The following RASSF4 variants were observed in gnomAD, a reference collection of about 807,000 sequenced individuals.
The protein encoded by RASSF4 is ras association domain-containing protein 4.
RASSF4 carries 38 observed loss-of-function variants against 41.1 expected under a neutral mutation model. That is an observed-to-expected ratio of 0.92 (90% CI 0.71 to 1.21). The LOEUF is 1.21. RASSF4 is among the 50% of genes most tolerant of loss of function. The pLI, the probability that RASSF4 is intolerant of heterozygous loss-of-function variation, is 0.00. For missense variants in RASSF4, 414 were observed against 419.4 expected (o/e 0.99, Z 0.11); for synonymous variants, 179 against 163.4 (o/e 1.10, Z -0.73).
In RASSF4 at chr10:44,968,423, A is replaced by G. The variant is rs73279399; in HGVS notation, c.-38-1742A>G. On this transcript the variant is annotated intron_variant, in intron 1 of 10. Transcript: ENST00000340258. Reference sequence around the variant, plus strand: ...GCTGCTGGGGGCCTGACATCTCTCCAGGCCCTGAGGTGCCTAACTCTGGAG... The same window carrying G: ...GCTGCTGGGGGCCTGACATCTCTCCGGGCCCTGAGGTGCCTAACTCTGGAG... 1.4e-3 allele frequency among the ~76,000 whole-genome samples: 215 copies of G among 152,264 alleles called. 1 individual carries two copies. Among genetic ancestry groups the G allele is most frequent in the African/African-American group, 4.7e-3 (196 of 41,540 alleles).
chr10:44,983,932 C>T (rs1032390845), intron 4 of RASSF4, 90 bp from the exon 5 acceptor site: 1 of 1,548,434 alleles, frequency 6.5e-7, no homozygotes, highest in Non-Finnish European at 8.7e-7. Context: ...CGCCTGTGTC[C>T]TACCCCAGGG....
At position 44,984,843 on chromosome 10, in the gene RASSF4, A is replaced by C. The variant is rs749050485; in HGVS notation, c.404A>C (p.Gln135Pro). The change falls in exon 6 of 11, where the codon CAG becomes CCG. Residue 135 changes from glutamine (Q) to proline (P), a missense_variant. Transcript: ENST00000340258. Reference sequence around the variant, plus strand: ...CTGGAGGAGGCAGAGGAGGCCCCCCAGCTGATGCGGACCAAGAGCGACGCC... The same window carrying C: ...CTGGAGGAGGCAGAGGAGGCCCCCCCGCTGATGCGGACCAAGAGCGACGCC... ...GPLEEAEEAPQLMRTKSDASC... is the reference protein window; with the variant it reads ...GPLEEAEEAPPLMRTKSDASC... 3 of 1,613,474 alleles carry C rather than the reference A, an allele frequency of 1.9e-6. No individual in the cohort carries two copies. The African/African-American group carries it at 4.0e-5, about 22-fold the overall frequency.
chr10:44,994,791 C>A lies in RASSF4; in HGVS notation c.*1462C>A, dbSNP rs910821263. ...TGACCCCCGGCTCTAACTTCTGAAACTCTTATCCTAAAGGATGTGTGGCCA... is the reference window on the plus strand; with the variant it reads ...TGACCCCCGGCTCTAACTTCTGAAAATCTTATCCTAAAGGATGTGTGGCCA... On this transcript the variant is annotated 3_prime_UTR_variant, in exon 11 of 11. Transcript: ENST00000340258. 1 of 148,636 alleles carries A rather than the reference C, an allele frequency of 6.7e-6. No individual in the cohort carries two copies. The highest frequency in any genetic ancestry group is 2.5e-5 in the African/African-American group (1 of 40,044). The allele number at this position is 148,636 out of a possible 1,614,324, so 9.2% of individuals were successfully genotyped here.
intron 1 of RASSF4, among the ~76,000 whole-genome samples, chr10:44,968,145 G>A (rs1306769044): frequency 2.6e-5 from 4 of 152,186 alleles, no homozygotes; most frequent in African/African-American, 9.7e-5. Flanking sequence ...TTCCTGTAAT[G>A]AGTTTGCTGA....
rs934535940 is a variant in RASSF4, at chr10:44,974,660, G to C, written c.138+2812G>C. On this transcript the variant is annotated intron_variant, in intron 3 of 10. Transcript: ENST00000340258. ...GTCACTGCCCCTCACCCGCAGCACC[G>C]GCAGCCTTAGCAGTACGGTTTGGGG... Among the ~76,000 whole-genome samples, 8 of 151,832 alleles carry C rather than the reference G, an allele frequency of 5.3e-5. No homozygotes were observed. The East Asian group carries it at 1.6e-3, about 30-fold the overall frequency.
At chr10:44,991,577 C>T (rs753706654) in intron 9 of RASSF4, among the ~76,000 whole-genome samples, 1 of 152,218 alleles carries the variant, frequency 6.6e-6, no homozygotes, top group Non-Finnish European at 1.5e-5. Context: ...CAATTGCATT[C>T]CATTGTTAGA....
intron 3 of RASSF4, 49 bp downstream of exon 3, chr10:44,971,897 C>T (rs1841186826): frequency 7.4e-7 from 1 of 1,345,584 alleles, no homozygotes; most frequent in Non-Finnish European, 1.0e-6. Flanking sequence ...CCTGGGAGGC[C>T]CTGCCTGATA....
chr10:44,984,888 G>C lies in RASSF4; in HGVS notation c.449G>C (p.Arg150Thr), dbSNP rs540078906. 1.4e-5 allele frequency: 23 copies of C among 1,613,626 alleles called. 1 individual carries two copies. The African/African-American group carries it at 3.1e-4, about 21-fold the overall frequency. ...GACGCCAGTTGCATGAGCCAGAGGA[G>C]GCCCAAGTGCCGCGCCCCCGGTGAG... The part of the protein sequence containing the change: ...KSDASCMSQR[R>T]PKCRAPGEAQ... Residue 150 changes from arginine (R) to threonine (T), a missense_variant, in exon 6 of 11, where the codon AGG (arginine) becomes ACG (threonine). Arg to Thr is a moderately conservative substitution (Grantham distance 71). Transcript: ENST00000340258.
At chr10:44,979,679 G>A (rs540017187) in intron 3 of RASSF4, among the ~76,000 whole-genome samples, 11 of 152,266 alleles carry the variant, frequency 7.2e-5, no homozygotes, top group African/African-American at 2.2e-4. Flanking sequence ...TGGTGAGGGC[G>A]CGCCGGACAG....
chr10:44,975,034 T>G (rs1184801706), intron 3 of RASSF4, among the ~76,000 whole-genome samples: 1 of 152,088 alleles, frequency 6.6e-6, no homozygotes, highest in East Asian at 1.9e-4. Context: ...GACAAGCAAG[T>G]GAGCCCCAGG....
chr10:44,977,380 ACTGGG>A, intron 3 of RASSF4: 1 of 1,554,936 alleles, frequency 6.4e-7, no homozygotes, highest in Admixed American at 1.9e-5. Context: ...AGAAGCCTTT[ACTGGG>A]GAGGGGTCAG....
At chr10:44,970,037 C>A in intron 1 of RASSF4, 128 bp from the exon 2 acceptor site, 1 of 651,788 alleles carries the variant, frequency 1.5e-6, no homozygotes, top group Non-Finnish European at 2.8e-6. Flanking sequence ...TCAGCCGCAG[C>A]CACCTTGTGC....
intron 3 of RASSF4, among the ~76,000 whole-genome samples, chr10:44,975,475 C>A (rs1489884428): frequency 2.5e-5 from 3 of 121,546 alleles, no homozygotes; most frequent in Non-Finnish European, 5.3e-5. Context: ...CCCACCCCCA[C>A]CCCCACTTCC....
intron 3 of RASSF4, chr10:44,981,520 T>C (rs1402998450): frequency 6.6e-6 from 1 of 152,236 alleles, no homozygotes; most frequent in Non-Finnish European, 1.5e-5. Flanking sequence ...AATTAAATGT[T>C]GGTTGAGATG....
At chr10:44,971,312 G>A (rs1841147313) in intron 2 of RASSF4, 1 of 361,860 alleles carries the variant, frequency 2.8e-6, no homozygotes, top group African/African-American at 2.1e-5. Context: ...GGAAAGTCAG[G>A]GTGGGGAAGA....
Position 44,977,640 on chromosome 10 carries a change from C to T in RASSF4, c.139-4881C>T. On this transcript the variant is annotated intron_variant, in intron 3 of 10. Coordinates refer to ENST00000340258, the MANE Select transcript of RASSF4 (RefSeq NM_032023.4). Reference sequence around the variant, plus strand: ...ATCTGTCTATGTGGACCCCAGAGGCCAGCAGAGGGGCCAGTCCTCCTTGGC... The same window carrying T: ...ATCTGTCTATGTGGACCCCAGAGGCTAGCAGAGGGGCCAGTCCTCCTTGGC... The T allele has an allele frequency of 1.9e-6, 3 of 1,612,986 alleles. No individual in the cohort carries two copies. In the South Asian group the frequency reaches 3.3e-5, roughly 18 times the overall value.
chr10:44,969,402 G>A (rs1256084522), intron 1 of RASSF4, among the ~76,000 whole-genome samples: 3 of 152,096 alleles, frequency 2.0e-5, no homozygotes, highest in African/African-American at 4.8e-5. Flanking sequence ...ATCCACTAAT[G>A]ATCCTGTGGG....
chr10:44,982,389 T>C lies in RASSF4; in HGVS notation c.139-132T>C, dbSNP rs557792811. On this transcript the variant is annotated intron_variant, in intron 3 of 10. Transcript: ENST00000340258. The stretch of plus-strand genomic sequence containing the variant: ...CAGGGCACGTAGTGGCTGATGGTCC[T>C]TCCTGAGGGGATGGGGCCACTCAGG... The C allele has an allele frequency of 5.4e-5, 61 of 1,126,264 alleles. No individual in the cohort carries two copies. The Admixed American group carries it at 9.5e-4, about 18-fold the overall frequency. 69.8% of individuals were successfully genotyped at this position (1,126,264 alleles called of 1,614,324 possible).
At chr10:44,971,579 C>CA (rs1564454265) in intron 2 of RASSF4, 194 bp from the exon 3 acceptor site, 2 of 688,910 alleles carry the variant, frequency 2.9e-6, no homozygotes, top group South Asian at 3.0e-5. Context: ...CCCATGCCCC[C>CA]CACCAGGGCC....
Sources: gnomAD v4.1 joint callset for allele counts (sites outside exome capture counted in the v4.1 genomes callset) on GRCh38, gnomAD v4.1.1 for gene constraint, MANE v1.5 for transcripts, NCBI Gene and HGNC (gene_info 2026-07-23, HGNC 2026-07-21) for gene names.